The following ROBO2 variants were observed in gnomAD, a reference collection of about 807,000 sequenced individuals.
ROBO2 encodes the protein roundabout guidance receptor 2.
Under a neutral mutation model 160.8 loss-of-function variants are expected in ROBO2, and 53 were observed. The observed-to-expected ratio is 0.33, with a 90% CI of 0.26 to 0.41. The LOEUF is 0.41. Among genes scored for constraint, ROBO2 ranks in the 10% least tolerant of loss-of-function variants. The pLI, the probability that ROBO2 is intolerant of heterozygous loss-of-function variation, is 1.00. For missense variants in ROBO2, 1,577 were observed against 1,722.4 expected, an observed-to-expected ratio of 0.92 and a Z score of 1.49; for synonymous variants, 664 against 611.7, an observed-to-expected ratio of 1.09 and a Z score of -1.26.
intron 2 of ROBO2, among the ~76,000 whole-genome samples, chr3:76,000,421 C>CACACTATG: frequency 6.6e-6 from 1 of 152,016 alleles, no homozygotes; most frequent in Non-Finnish European, 1.5e-5. Context: ...CTCCAGTAAC[C>CACACTATG]ACACTATGAG....
At chr3:77,345,253 C>A (rs2153454047) in intron 2 of ROBO2, among the ~76,000 whole-genome samples, 1 of 152,182 alleles carries the variant, frequency 6.6e-6, no homozygotes, top group South Asian at 2.1e-4. Context: ...CTGGGTGTCC[C>A]CACAGGGTTG....
intron 2 of ROBO2, among the ~76,000 whole-genome samples, chr3:76,268,460 G>A (rs1018914680): frequency 2.0e-5 from 3 of 152,240 alleles, no homozygotes; most frequent in Non-Finnish European, 2.9e-5. Flanking sequence ...TATGCCAGTC[G>A]TGTAGTTTCT....
At chr3:77,224,137 A>G (rs1230744903) in intron 2 of ROBO2, among the ~76,000 whole-genome samples, 1 of 151,976 alleles carries the variant, frequency 6.6e-6, no homozygotes, top group African/African-American at 2.4e-5. Flanking sequence ...TTTAAATCAT[A>G]TTTTCTAACA....
intron 2 of ROBO2, among the ~76,000 whole-genome samples, chr3:76,537,144 A>C (rs748068143): frequency 4.6e-5 from 7 of 151,956 alleles, no homozygotes; most frequent in Non-Finnish European, 8.8e-5. Flanking sequence ...GAGGACTCTG[A>C]GGTTGGGGTA....
intron 19 of ROBO2, 40 bp downstream of exon 20, chr3:77,596,790 T>G: frequency 2.0e-6 from 3 of 1,530,552 alleles, no homozygotes; most frequent in Admixed American, 2.0e-5. Flanking sequence ...TTGAGTTCTC[T>G]CTCTCTTTTT....
Position 77,481,094 on chromosome 3 carries a change from A to C in ROBO2, c.547-5A>C. 1 of 1,610,934 alleles carries C rather than the reference A, an allele frequency of 6.2e-7. No homozygotes were observed. Among genetic ancestry groups the C allele is most frequent in the Non-Finnish European group, 8.5e-7 (1 of 1,177,862 alleles). ...TTCTCTTTTCTTTTTGTTTGATTTTAACAGATCCGTGGTGGAAAACTGATG... is the reference window on the plus strand; with the variant it reads ...TTCTCTTTTCTTTTTGTTTGATTTTCACAGATCCGTGGTGGAAAACTGATG... On this transcript the variant is annotated splice_region_variant and splice_polypyrimidine_tract_variant and intron_variant, in intron 3 of 25. Coordinates refer to ENST00000461745, the Ensembl canonical transcript of ROBO2.
intron 2 of ROBO2, among the ~76,000 whole-genome samples, chr3:77,473,289 A>T (rs1447491932): frequency 5.9e-5 from 9 of 151,702 alleles, no homozygotes; most frequent in African/African-American, 2.2e-4. Context: ...CGGAAGAAAA[A>T]AATAATAATA....
At chr3:76,801,943 G>A (rs2064231191) in intron 2 of ROBO2, among the ~76,000 whole-genome samples, 1 of 151,948 alleles carries the variant, frequency 6.6e-6, no homozygotes, top group Non-Finnish European at 1.5e-5. Flanking sequence ...GAGGTCTGAG[G>A]AGAGAGAGAG....
chr3:76,970,898 A>C lies in ROBO2; in HGVS notation c.110-127116A>C, dbSNP rs538290730. Among the ~76,000 whole-genome samples the C allele has an allele frequency of 9.2e-5, 14 of 152,290 alleles. No homozygotes were observed. The South Asian group carries it at 2.9e-3, about 32-fold the overall frequency. ...CACTTATGTCATCCTGTTACCATTCATGGCAAACTTATGAAATACATGTTA... is the reference window on the plus strand; with the variant it reads ...CACTTATGTCATCCTGTTACCATTCCTGGCAAACTTATGAAATACATGTTA... On this transcript the variant is annotated intron_variant, in intron 2 of 26. Coordinates refer to the ROBO2 transcript ENST00000487694.
intron 2 of ROBO2, among the ~76,000 whole-genome samples, chr3:76,338,540 G>T (rs1251725705): frequency 6.6e-6 from 1 of 151,890 alleles, no homozygotes; most frequent in Non-Finnish European, 1.5e-5. Context: ...AGACATAGTG[G>T]TGCATGCCTG....
At chr3:77,541,582 G>T (rs920804898) in intron 6 of ROBO2, among the ~76,000 whole-genome samples, 1 of 152,120 alleles carries the variant, frequency 6.6e-6, no homozygotes, top group African/African-American at 2.4e-5. Flanking sequence ...TACTTCTCTG[G>T]AAATCACACA....
In ROBO2 at chr3:76,584,897, CT is replaced by C. The variant is rs1385037328; in HGVS notation, c.110-513115del. 3.3e-5 allele frequency among the ~76,000 whole-genome samples: 5 copies of C among 152,260 alleles called. No homozygotes were observed. The South Asian group carries it at 1.0e-3, about 32-fold the overall frequency. ...TGTCTATCCTCATGATCCTCAGAGC[CT>C]TGTGTTAAATTCACTGGTAAACATA... On this transcript the variant is annotated intron_variant, in intron 2 of 26. Coordinates refer to the ROBO2 transcript ENST00000487694.
intron 2 of ROBO2, among the ~76,000 whole-genome samples, chr3:76,792,336 A>G (rs2063413840): frequency 6.6e-6 from 1 of 151,808 alleles, no homozygotes. Flanking sequence ...GAATGTTTCT[A>G]TTTTGGGGAT....
At chr3:76,622,816 T>C (rs2089321850) in intron 2 of ROBO2, among the ~76,000 whole-genome samples, 1 of 152,118 alleles carries the variant, frequency 6.6e-6, no homozygotes, top group Non-Finnish European at 1.5e-5. Context: ...TGGTTTCTAT[T>C]CCCAAAAGAG....
chr3:76,895,532 A>G (rs563018331), intron 2 of ROBO2, among the ~76,000 whole-genome samples: 80 of 152,236 alleles, frequency 5.3e-4, no homozygotes, highest in African/African-American at 1.8e-3. Flanking sequence ...TGTGAAGTCT[A>G]TATGATTAGA....
chr3:76,370,520 T>A (rs2076051155), intron 2 of ROBO2, among the ~76,000 whole-genome samples: 1 of 151,928 alleles, frequency 6.6e-6, no homozygotes, highest in African/African-American at 2.4e-5. Context: ...TTATTAGAAT[T>A]TTCCATCAAC....
At chr3:76,238,071 G>A (rs146738630) in intron 2 of ROBO2, among the ~76,000 whole-genome samples, 1 of 152,102 alleles carries the variant, frequency 6.6e-6, no homozygotes, top group South Asian at 2.1e-4. Context: ...TGGCAAAAAG[G>A]TCTGAAAGAC....
chr3:77,578,329 A>C (rs2153673526), intron 15 of ROBO2, among the ~76,000 whole-genome samples: 1 of 152,208 alleles, frequency 6.6e-6, no homozygotes, highest in Admixed American at 6.5e-5. Flanking sequence ...ACCCCTCATT[A>C]ATCTTTGTAA....
At chr3:77,210,464 G>A (rs2083988844) in intron 2 of ROBO2, among the ~76,000 whole-genome samples, 1 of 151,690 alleles carries the variant, frequency 6.6e-6, no homozygotes, top group Admixed American at 6.6e-5. Flanking sequence ...TACCCTACAG[G>A]ACTTAAAATT....
Sources: allele counts gnomAD v4.1 joint callset (sites outside exome capture counted in the v4.1 genomes callset), GRCh38; gene constraint gnomAD v4.1.1; transcripts MANE v1.5; gene names NCBI Gene and HGNC (gene_info 2026-07-23, HGNC 2026-07-21).